The following KRT222 variants were observed in gnomAD, a reference collection of about 807,000 sequenced individuals.
The protein encoded by KRT222 is keratin 222, also known as keratin-like protein KRT222.
Under a neutral mutation model 35.0 loss-of-function variants are expected in KRT222, and 23 were observed. That is an observed-to-expected ratio of 0.66 (90% CI 0.47 to 0.93). The LOEUF is 0.93. Ranked by LOEUF, KRT222 falls within the 40% of genes least tolerant of loss-of-function variation. KRT222 has a pLI of 0.00. For missense variants in KRT222, 339 were observed against 346.3 expected (o/e 0.98, Z 0.17); for synonymous variants, 108 against 118.8 (o/e 0.91, Z 0.59).
At chr17:40,657,234 T>G in intron 5 of KRT222, 118 bp downstream of exon 5, 1 of 637,266 alleles carries the variant, frequency 1.6e-6, no homozygotes, top group South Asian at 4.3e-5. Flanking sequence ...AAAATCACAG[T>G]ATACTAAAAC....
chr17:40,658,561 T>C (rs948421086), intron 3 of KRT222, among the ~76,000 whole-genome samples: 1 of 152,178 alleles, frequency 6.6e-6, no homozygotes, highest in Non-Finnish European at 1.5e-5. Context: ...AGGTAGGTAG[T>C]AGTATTATTC....
At chr17:40,659,490 T>G (rs1039541631) in intron 3 of KRT222, among the ~76,000 whole-genome samples, 15 of 152,146 alleles carry the variant, frequency 9.9e-5, no homozygotes, top group Non-Finnish European at 1.9e-4. Context: ...AAGGTCTTTT[T>G]CATGATTAGC....
rs2037341231 is a variant in KRT222 at position 40,656,001 on chromosome 17, TAAC to T, written c.*398_*400del. On this transcript the variant is annotated 3_prime_UTR_variant, in exon 6 of 6. Coordinates refer to ENST00000394052, the MANE Select transcript of KRT222 (RefSeq NM_152349.3). ...ATGGTGAATAACTCAGTGTGACTCTTAACACAATCCTATTCAAACAATTCTTTT... is the reference window on the plus strand; with the variant it reads ...ATGGTGAATAACTCAGTGTGACTCTTACAATCCTATTCAAACAATTCTTTT... 6.4e-6 allele frequency: 1 copy of T among 156,422 alleles called. No individual in the cohort carries two copies. The highest frequency in any genetic ancestry group is 6.3e-5 in the Admixed American group (1 of 15,766). 9.7% of individuals were successfully genotyped at this position (156,422 alleles called of 1,614,324 possible).
chr17:40,657,291 G>C, intron 5 of KRT222, 61 bp downstream of exon 5: 1 of 1,165,022 alleles, frequency 8.6e-7, no homozygotes, highest in Non-Finnish European at 1.2e-6. Context: ...CTGGGATTAC[G>C]CAAAGTTAAT....
intron 2 of KRT222, among the ~76,000 whole-genome samples, chr17:40,661,390 C>A (rs1461717748): frequency 6.6e-6 from 1 of 151,948 alleles, no homozygotes; most frequent in East Asian, 1.9e-4. Context: ...CCTCAGCCTC[C>A]TAAGTTGCTG....
At chr17:40,662,346 G>A (rs7209735) in intron 1 of KRT222, among the ~76,000 whole-genome samples, 107,703 of 152,096 alleles carry the variant, frequency 0.71, 38,517 homozygotes, top group African/African-American at 0.81. Context: ...ACCAAGATTC[G>A]TGATCTCTGA....
At chr17:40,659,922 T>C in intron 3 of KRT222, 65 bp downstream of exon 3, 1 of 1,363,442 alleles carries the variant, frequency 7.3e-7, no homozygotes, top group East Asian at 2.3e-5. Context: ...TCTGACTACA[T>C]CAACAATGGC....
rs148476018 is a variant in KRT222, at chr17:40,660,093, C to T, written c.340G>A (p.Gly114Ser). 1.7e-5 allele frequency: 28 copies of T among 1,613,974 alleles called. No homozygotes were observed. Among genetic ancestry groups the T allele is most frequent in the South Asian group, 1.6e-4 (15 of 91,068 alleles). The change falls in exon 3 of 6, where the codon GGC (glycine) becomes AGC (serine). Residue 114 changes from glycine (G) to serine (S), a missense_variant. Coordinates refer to ENST00000394052, the MANE Select transcript of KRT222 (RefSeq NM_152349.3). ...LEKELQEVRRGIEKQLQEHEM... is the reference protein window; with the variant it reads ...LEKELQEVRRSIEKQLQEHEM... ...TGCTCTTGAAGCTGCTTTTCGATGC[C>T]GCGCCTTACTTCCTGTAGCTCTTTT... is the stretch of plus-strand genomic sequence containing the variant.
chr17:40,656,753 A>G (rs2037347383), intron 5 of KRT222, 123 bp from the exon 6 acceptor site: 1 of 560,406 alleles, frequency 1.8e-6, no homozygotes, highest in South Asian at 2.8e-5. Context: ...TATAGAATTT[A>G]TAATGTACAT....
intron 2 of KRT222, among the ~76,000 whole-genome samples, chr17:40,661,413 C>T (rs773084529): frequency 4.7e-5 from 7 of 150,438 alleles, no homozygotes; most frequent in East Asian, 4.0e-4. Context: ...ACAACAGGCG[C>T]GTGCCACCAT....
chr17:40,661,825 T>C (rs192229763), intron 2 of KRT222, 91 bp downstream of exon 2: 5 of 1,456,288 alleles, frequency 3.4e-6, no homozygotes, highest in Non-Finnish European at 4.6e-6. Flanking sequence ...CAGTTTCTCA[T>C]GGTAAATAAA....
At chr17:40,659,036 G>A (rs1359053471) in intron 3 of KRT222, among the ~76,000 whole-genome samples, 1 of 152,116 alleles carries the variant, frequency 6.6e-6, no homozygotes, top group African/African-American at 2.4e-5. Context: ...GGGGGATTGT[G>A]GTGATTGTGA....
rs904573670 is a variant in KRT222, at chr17:40,657,410, G to A, written c.601C>T (p.Gln201Ter). ...ENENVETVTK[Q>*]AILNGSIVKE... ...ACGATACTCCCATTTAAGATTGCCT[G>A]TTTGGTTACTGTTTCTACATTTTCA... The change falls in exon 5 of 6, where the codon CAG becomes TAG. Residue 201 changes from glutamine (Q) to a stop codon, truncating the protein, a stop_gained. Transcript: ENST00000394052. LOFTEE classifies it high-confidence loss of function. The A allele has an allele frequency of 3.1e-6, 5 of 1,611,040 alleles. No individual in the cohort carries two copies. The highest frequency in any genetic ancestry group is 2.2e-5 in the East Asian group (1 of 44,752).
At chr17:40,659,774 C>A (rs1383950967) in intron 3 of KRT222, among the ~76,000 whole-genome samples, 6 of 152,118 alleles carry the variant, frequency 3.9e-5, no homozygotes, top group Admixed American at 3.9e-4. Flanking sequence ...ACATTTTGTT[C>A]TAGGTGACTT....
At position 40,661,996 on chromosome 17, in the gene KRT222, T is replaced by C. The variant is rs752325241; in HGVS notation, c.145A>G (p.Lys49Glu). 2 of 1,614,152 alleles carry C rather than the reference T, an allele frequency of 1.2e-6. No individual in the cohort carries two copies. Among genetic ancestry groups the C allele is most frequent in the East Asian group, 4.5e-5 (2 of 44,878 alleles). The change falls in exon 2 of 6, where the codon AAG becomes GAG. Residue 49 changes from lysine (K) to glutamate (E), a missense_variant. By Grantham distance (56) the Lys-to-Glu change is moderately conservative (BLOSUM62 1). Transcript: ENST00000394052. The stretch of plus-strand genomic sequence containing the variant: ...TCCTTGAGTTCTGCTTGAGCTGCCT[T>C]CAAAGCCTCTTCATCTTTGTCCATT... The part of the protein sequence containing the change: ...KKMDKDEEAL[K>E]AAQAELKEAR...
chr17:40,660,455 A>T (rs887153229), intron 2 of KRT222, among the ~76,000 whole-genome samples: 1 of 151,714 alleles, frequency 6.6e-6, no homozygotes, highest in Non-Finnish European at 1.5e-5. Context: ...AATTTTTTGT[A>T]TCTTTAGTAG....
intron 1 of KRT222, 190 bp downstream of exon 1, chr17:40,664,814 C>CA: frequency 1.1e-6 from 1 of 934,360 alleles, no homozygotes; most frequent in Non-Finnish European, 1.5e-6. Flanking sequence ...TACTTAATGG[C>CA]AATTTAACAA....
intron 5 of KRT222, 191 bp downstream of exon 5, chr17:40,657,156 GAGCCA>G (rs2037350391): frequency 2.9e-5 from 9 of 308,316 alleles, no homozygotes; most frequent in Admixed American, 4.9e-5. Flanking sequence ...AGGTTGCAGT[GAGCCA>G]AGATCGCGCC....
At position 40,661,994 on chromosome 17, in the gene KRT222, C is replaced by T. The variant is rs1194197105; in HGVS notation, c.147G>A (p.Lys49=). The T allele has an allele frequency of 1.4e-5, 22 of 1,614,042 alleles. No individual in the cohort carries two copies. Among genetic ancestry groups the T allele is most frequent in the Non-Finnish European group, 1.8e-5 (21 of 1,180,042 alleles). The change falls in exon 2 of 6, where the codon AAG becomes AAA. Residue 49 remains lysine, a synonymous_variant. Transcript: ENST00000394052. ...KKMDKDEEAL[K]AAQAELKEAR... Reference sequence around the variant, plus strand: ...CCTCCTTGAGTTCTGCTTGAGCTGCCTTCAAAGCCTCTTCATCTTTGTCCA... The same window carrying T: ...CCTCCTTGAGTTCTGCTTGAGCTGCTTTCAAAGCCTCTTCATCTTTGTCCA...
Sources: allele counts gnomAD v4.1 joint callset (sites outside exome capture counted in the v4.1 genomes callset), GRCh38; gene constraint gnomAD v4.1.1; transcripts MANE v1.5; gene names NCBI Gene and HGNC (gene_info 2026-07-23, HGNC 2026-07-21).